CNOT4: variants seen among roughly 807,000 people sequenced by gnomAD.
The protein encoded by CNOT4 is CCR4-associated factor 4.
In CNOT4, 8 loss-of-function variants were observed where a neutral mutation model predicts 73.8. The observed-to-expected ratio is 0.11, with a 90% CI of 0.06 to 0.20. The LOEUF (loss-of-function observed/expected upper bound fraction) is 0.20, where lower values mean the gene tolerates loss of function less well. Among genes scored for constraint, CNOT4 ranks in the 10% least tolerant of loss-of-function variants. CNOT4 has a pLI of 1.00. For synonymous variants in CNOT4, 293 were observed against 321.1 expected (o/e 0.91, Z 0.94); for missense variants, 564 against 883.4 (o/e 0.64, Z 4.58).
At chr7:135,396,714 C>T (rs1344560318) in intron 8 of CNOT4, among the ~76,000 whole-genome samples, 4 of 152,012 alleles carry the variant, frequency 2.6e-5, no homozygotes, top group African/African-American at 9.7e-5. Context: ...TTGAGTGGTA[C>T]TGATATAATA....
intron 10 of CNOT4, among the ~76,000 whole-genome samples, chr7:135,370,508 T>C (rs1795140732): frequency 6.6e-6 from 1 of 152,348 alleles, no homozygotes; most frequent in African/African-American, 2.4e-5. Flanking sequence ...ACCATTCATC[T>C]GGCAGCACAC....
Position 135,414,353 on chromosome 7 carries a change from A to G in CNOT4, c.539T>C (p.Val180Ala). 2 of 1,446,558 alleles carry G rather than the reference A, an allele frequency of 1.4e-6. No individual in the cohort carries two copies. The highest frequency in any genetic ancestry group is 1.9e-6 in the Non-Finnish European group (2 of 1,031,602). 89.6% of individuals were successfully genotyped at this position (1,446,558 alleles called of 1,614,324 possible). A position where few individuals can be genotyped will look rare whatever the true frequency, so the allele number is the denominator to read the frequency against. Residue 180 changes from valine (V) to alanine (A), a missense_variant, in exon 5 of 12, where the codon GTA becomes GCA. Around this residue, in one of 10 missense-constraint regions of CNOT4, gnomAD observed 25 missense variants for 25.1 expected, o/e 1.00. Coordinates refer to ENST00000541284, the MANE Select transcript of CNOT4 (RefSeq NM_001190850.2). ...LRAIQCVNNV[V>A]VDGRTLKASL... is the part of the protein sequence containing the mutation. ...TACCTTAAGTGTTCTGCCATCTACT[A>G]CCACATTGTTGACACACTGTATGGC...
intron 1 of CNOT4, among the ~76,000 whole-genome samples, chr7:135,482,381 C>A (rs1467674864): frequency 6.6e-6 from 1 of 151,478 alleles, no homozygotes; most frequent in Non-Finnish European, 1.5e-5. Flanking sequence ...CATGCAGAGA[C>A]CCTGTAAACA....
At chr7:135,495,864 T>A (rs1289064363) in intron 1 of CNOT4, among the ~76,000 whole-genome samples, 1 of 150,952 alleles carries the variant, frequency 6.6e-6, no homozygotes, top group Non-Finnish European at 1.5e-5. Flanking sequence ...AGCCCAGGAG[T>A]TCAAGGCTGC....
At chr7:135,473,406 C>A (rs956916813) in intron 1 of CNOT4, among the ~76,000 whole-genome samples, 4 of 152,020 alleles carry the variant, frequency 2.6e-5, no homozygotes, top group African/African-American at 4.8e-5. Context: ...GACAGTTTTC[C>A]ATTTATTTCT....
chr7:135,410,751 A>G (rs975767585), intron 6 of CNOT4, 103 bp from the exon 7 acceptor site: 2 of 667,136 alleles, frequency 3.0e-6, no homozygotes, highest in African/African-American at 5.1e-5. Context: ...AATAAAATAA[A>G]TAATATTTTT....
intron 1 of CNOT4, among the ~76,000 whole-genome samples, chr7:135,472,557 AT>A (rs1801703661): frequency 9.5e-6 from 1 of 105,792 alleles, no homozygotes; most frequent in Admixed American, 1.1e-4. Context: ...ATATATATAT[AT>A]AAAGTGATCC....
chr7:135,481,823 G>A (rs1585713088), intron 1 of CNOT4, among the ~76,000 whole-genome samples: 1 of 152,262 alleles, frequency 6.6e-6, no homozygotes, highest in East Asian at 1.9e-4. Context: ...AGTGAAATAA[G>A]CCAGGCACAG....
At chr7:135,381,097 A>C (rs1475555927) in intron 10 of CNOT4, among the ~76,000 whole-genome samples, 2 of 152,252 alleles carry the variant, frequency 1.3e-5, no homozygotes, top group African/African-American at 4.8e-5. Context: ...TCCTTCAAAA[A>C]AAAATTGGAG....
intron 1 of CNOT4, among the ~76,000 whole-genome samples, chr7:135,506,410 G>C (rs4732127): frequency 0.22 from 33,602 of 152,070 alleles, 4,290 homozygotes; most frequent in East Asian, 0.51. Context: ...CAGTATTATA[G>C]TTACTGTAAG....
At chr7:135,489,955 C>G (rs1427421319) in intron 1 of CNOT4, among the ~76,000 whole-genome samples, 1 of 152,132 alleles carries the variant, frequency 6.6e-6, no homozygotes, top group Non-Finnish European at 1.5e-5. Flanking sequence ...ACATTTGCCT[C>G]TAGAGAAAAG....
rs1466477603 is a variant in CNOT4 at position 135,417,992 on chromosome 7, A to G, written c.373-2730T>C. ...TTGTTACTTTCGTAAAAAGGAAGGT[A>G]CTACTTATTTATCTACTACTACTTG... is the stretch of plus-strand genomic sequence containing the variant. On this transcript the variant is annotated intron_variant, in intron 3 of 11. Coordinates refer to ENST00000541284, the MANE Select transcript of CNOT4 (RefSeq NM_001190850.2). Among the ~76,000 whole-genome samples the G allele has an allele frequency of 3.3e-5, 5 of 152,212 alleles. No individual in the cohort carries two copies. In the East Asian group the frequency reaches 9.6e-4, roughly 29 times the overall value.
intron 7 of CNOT4, among the ~76,000 whole-genome samples, chr7:135,405,831 T>C (rs774470798): frequency 4.6e-5 from 7 of 152,184 alleles, no homozygotes; most frequent in Non-Finnish European, 8.8e-5. Context: ...CTGGCTTAAT[T>C]GAAAATAAGA....
At chr7:135,497,250 A>T (rs1803650438) in intron 1 of CNOT4, among the ~76,000 whole-genome samples, 1 of 152,048 alleles carries the variant, frequency 6.6e-6, no homozygotes, top group Admixed American at 6.6e-5. Context: ...TTTACCAAAA[A>T]ATACAATAAT....
chr7:135,416,272 G>A (rs926113966), intron 3 of CNOT4, among the ~76,000 whole-genome samples: 1 of 152,064 alleles, frequency 6.6e-6, no homozygotes, highest in African/African-American at 2.4e-5. Context: ...GCATTTGATA[G>A]AATCAAAGCT....
chr7:135,458,207 A>G (rs1800663928), intron 1 of CNOT4, among the ~76,000 whole-genome samples: 1 of 152,154 alleles, frequency 6.6e-6, no homozygotes, highest in African/African-American at 2.4e-5. Context: ...GGTGCATATT[A>G]AAGGTATGTT....
Position 135,363,727 on chromosome 7 carries a change from C to T in CNOT4, c.1840+127G>A. 1.4e-6 allele frequency: 1 copy of T among 732,918 alleles called. No homozygotes were observed. The highest frequency in any genetic ancestry group is 2.2e-6 in the Non-Finnish European group (1 of 458,002). 45.4% of individuals were successfully genotyped at this position (732,918 alleles called of 1,614,324 possible). A position where few individuals can be genotyped will look rare whatever the true frequency, so the allele number is the denominator to read the frequency against. On this transcript the variant is annotated intron_variant, in intron 11 of 11. Transcript: ENST00000541284. The surrounding 1 kb of genome is among the most constrained non-coding windows in gnomAD (Gnocchi z 4.3). ...ACTTGCATGACCCCTGAGAACGAAA[C>T]AAGCCACTCCACACTTGCGGCTTTG...
At chr7:135,482,633 AAG>A (rs377229575) in intron 1 of CNOT4, among the ~76,000 whole-genome samples, 1 of 152,004 alleles carries the variant, frequency 6.6e-6, no homozygotes, top group Non-Finnish European at 1.5e-5. Context: ...AAGGAAAAAA[AAG>A]AGAGAGAGAA....
intron 1 of CNOT4, among the ~76,000 whole-genome samples, chr7:135,446,589 T>C (rs992845136): frequency 6.6e-6 from 1 of 152,156 alleles, no homozygotes; most frequent in African/African-American, 2.4e-5. Context: ...CTTAAATATG[T>C]AGCTAGTGCA....
Sources: allele counts gnomAD v4.1 joint callset (sites outside exome capture counted in the v4.1 genomes callset), GRCh38; gene constraint gnomAD v4.1.1; regional missense constraint gnomAD v4.1.1; non-coding constraint Gnocchi (gnomAD v3.1); transcripts MANE v1.5; gene names NCBI Gene and HGNC (gene_info 2026-07-23, HGNC 2026-07-21).